The following KCTD16 variants were observed in gnomAD, a reference collection of about 807,000 sequenced individuals.
The protein encoded by KCTD16 is BTB/POZ domain-containing protein KCTD16.
A neutral mutation model predicts 33.2 loss-of-function variants in KCTD16; 13 were observed. The observed-to-expected ratio is 0.39, with a 90% CI of 0.25 to 0.62. The LOEUF (loss-of-function observed/expected upper bound fraction) is 0.62. Among genes scored for constraint, KCTD16 ranks in the 20% least tolerant of loss-of-function variants. The pLI is 0.50. For missense variants in KCTD16, 441 were observed against 525.1 expected, an observed-to-expected ratio of 0.84 and a Z score of 1.57; for synonymous variants, 197 against 195.3, an observed-to-expected ratio of 1.01 and a Z score of -0.07.
intron 3 of KCTD16, among the ~76,000 whole-genome samples, chr5:144,440,088 C>T (rs1339445062): frequency 1.3e-5 from 2 of 152,136 alleles, no homozygotes; most frequent in African/African-American, 4.8e-5. Context: ...AAATAGAACT[C>T]GGTTAGACAT....
chr5:144,371,501 T>G (rs577850449), intron 3 of KCTD16, among the ~76,000 whole-genome samples: 8 of 152,264 alleles, frequency 5.3e-5, no homozygotes, highest in African/African-American at 1.9e-4. Context: ...GATGAGTATG[T>G]GTTATCTGTT....
At chr5:144,387,007 G>T (rs1012629658) in intron 3 of KCTD16, among the ~76,000 whole-genome samples, 1 of 151,780 alleles carries the variant, frequency 6.6e-6, no homozygotes, top group Non-Finnish European at 1.5e-5. Context: ...ATCCTCCTCT[G>T]TTGGGGTACA....
At chr5:144,333,578 G>A (rs1039669031) in intron 3 of KCTD16, among the ~76,000 whole-genome samples, 12 of 152,062 alleles carry the variant, frequency 7.9e-5, no homozygotes, top group African/African-American at 2.9e-4. Context: ...CTCTGTGTGT[G>A]TGTCTTTCTG....
chr5:144,417,601 T>C (rs1753091938), intron 3 of KCTD16, among the ~76,000 whole-genome samples: 1 of 152,204 alleles, frequency 6.6e-6, no homozygotes, highest in Admixed American at 6.6e-5. Flanking sequence ...CAAAATATTT[T>C]TAAATTTTTG....
intron 2 of KCTD16, among the ~76,000 whole-genome samples, chr5:144,203,563 C>G (rs1322434625): frequency 3.3e-5 from 5 of 152,126 alleles, no homozygotes. Context: ...AATTTTCATT[C>G]CTCAAGTCCG....
intron 3 of KCTD16, among the ~76,000 whole-genome samples, chr5:144,394,796 T>A (rs1752528904): frequency 6.6e-6 from 1 of 152,232 alleles, no homozygotes; most frequent in South Asian, 2.1e-4. Flanking sequence ...GCCATGATTG[T>A]AAGTTTCCTG....
intron 3 of KCTD16, among the ~76,000 whole-genome samples, chr5:144,417,150 C>T (rs1235409377): frequency 2.0e-5 from 3 of 152,170 alleles, no homozygotes; most frequent in Admixed American, 6.6e-5. Flanking sequence ...GGTAATTCTA[C>T]ATTTAACTTT....
At chr5:144,295,192 A>G (rs953893381) in intron 3 of KCTD16, among the ~76,000 whole-genome samples, 1 of 152,228 alleles carries the variant, frequency 6.6e-6, no homozygotes, top group East Asian at 1.9e-4. Context: ...AGTAAGTGGT[A>G]AGCATTTTAG....
At chr5:144,407,368 G>A (rs1443463717) in intron 3 of KCTD16, among the ~76,000 whole-genome samples, 2 of 149,754 alleles carry the variant, frequency 1.3e-5, no homozygotes, top group African/African-American at 2.5e-5. Flanking sequence ...TTGAGTGACT[G>A]TATTTTTTTT....
chr5:144,303,909 A>AT (rs1184702417), intron 3 of KCTD16, among the ~76,000 whole-genome samples: 1 of 152,218 alleles, frequency 6.6e-6, no homozygotes, highest in Non-Finnish European at 1.5e-5. Flanking sequence ...TGGAGAGTGC[A>AT]TATCAACCTG....
intron 3 of KCTD16, among the ~76,000 whole-genome samples, chr5:144,247,134 T>G (rs909579191): frequency 2.6e-5 from 4 of 152,214 alleles, no homozygotes; most frequent in African/African-American, 9.7e-5. Flanking sequence ...CCATACACTC[T>G]TTTACATGAC....
chr5:144,215,372 A>G (rs114711897), intron 3 of KCTD16, among the ~76,000 whole-genome samples: 309 of 152,366 alleles, frequency 2.0e-3, no homozygotes, highest in African/African-American at 6.8e-3. Context: ...ACTAGAAGGC[A>G]ACTGTACTGT....
At chr5:144,312,907 C>G (rs1330988001) in intron 3 of KCTD16, among the ~76,000 whole-genome samples, 2 of 152,158 alleles carry the variant, frequency 1.3e-5, no homozygotes, top group Non-Finnish European at 2.9e-5. Flanking sequence ...AAAGCTGTCA[C>G]ATAAATGTCT....
rs1466850645 is a variant in KCTD16, at chr5:144,475,490, C to G, written c.*1376C>G. On this transcript the variant is annotated 3_prime_UTR_variant, in exon 4 of 4. Transcript: ENST00000512467. ...CCAAAAAGAAACTGTTAATAGCCATCCGTCCATGTAACTCTGTATTTTACT... is the reference window on the plus strand; with the variant it reads ...CCAAAAAGAAACTGTTAATAGCCATGCGTCCATGTAACTCTGTATTTTACT... 2 of 152,644 alleles carry G rather than the reference C, an allele frequency of 1.3e-5. No homozygotes were observed. Among genetic ancestry groups the G allele is most frequent in the African/African-American group, 4.8e-5 (2 of 41,466 alleles). The allele number at this position is 152,644 out of a possible 1,614,324, so 9.5% of individuals were successfully genotyped here.
At chr5:144,266,026 T>A (rs1255759692) in intron 3 of KCTD16, among the ~76,000 whole-genome samples, 3 of 152,004 alleles carry the variant, frequency 2.0e-5, no homozygotes. Flanking sequence ...GATATTAACA[T>A]TACTTTTAAA....
At chr5:144,443,508 C>T (rs950365999) in intron 3 of KCTD16, among the ~76,000 whole-genome samples, 4 of 151,790 alleles carry the variant, frequency 2.6e-5, no homozygotes, top group Admixed American at 6.6e-5. Flanking sequence ...TAAAGAGATG[C>T]TTCTCTTCTT....
intron 3 of KCTD16, among the ~76,000 whole-genome samples, chr5:144,271,790 G>C (rs920498325): frequency 1.4e-5 from 2 of 146,970 alleles, no homozygotes; most frequent in African/African-American, 5.0e-5. Flanking sequence ...CACACACACA[G>C]AGTTAGAATT....
chr5:144,353,551 A>T (rs1479571909), intron 3 of KCTD16, among the ~76,000 whole-genome samples: 1 of 152,220 alleles, frequency 6.6e-6, no homozygotes, highest in East Asian at 1.9e-4. Flanking sequence ...AAGTTAAAAT[A>T]ATGTATATAA....
Position 144,482,789 on chromosome 5 carries a change from G to A in KCTD16, c.*8675G>A, listed in dbSNP as rs562060883. On this transcript the variant is annotated 3_prime_UTR_variant, in exon 4 of 4. Coordinates refer to ENST00000512467, the MANE Select transcript of KCTD16 (RefSeq NM_020768.4). ...CATATGTGTGTACATCTATCTTAAT[G>A]TGTATATATAAATATATATCTATAG... 6 of 151,694 alleles carry A rather than the reference G, an allele frequency of 4.0e-5. No individual in the cohort carries two copies. In the East Asian group the frequency reaches 9.7e-4, roughly 25 times the overall value. 9.4% of individuals were successfully genotyped at this position (151,694 alleles called of 1,614,324 possible). A position where few individuals can be genotyped will look rare whatever the true frequency, so the allele number is the denominator to read the frequency against.
Sources: allele counts gnomAD v4.1 joint callset (sites outside exome capture counted in the v4.1 genomes callset), GRCh38; gene constraint gnomAD v4.1.1; transcripts MANE v1.5; gene names NCBI Gene and HGNC (gene_info 2026-07-23, HGNC 2026-07-21).